Variants in CHN2 observed in about 807,000 individuals in gnomAD.
CHN2 encodes the protein beta-chimaerin.
In CHN2, 35 loss-of-function variants were observed where a neutral mutation model predicts 56.3. The observed-to-expected ratio is 0.62, with a 90% CI of 0.47 to 0.82. The LOEUF is 0.82. Ranked by LOEUF, CHN2 falls within the 40% of genes least tolerant of loss-of-function variation. The probability of loss-of-function intolerance (pLI) is 0.00; values close to 1 mark genes in which losing one functional copy is unlikely to be tolerated. For missense variants in CHN2, 491 were observed against 580.5 expected (o/e 0.85, Z 1.58); for synonymous variants, 210 against 212.8 (o/e 0.99, Z 0.12).
chr7:29,414,101 C>T (rs3793270), intron 6 of CHN2, among the ~76,000 whole-genome samples: 21,168 of 152,086 alleles, frequency 0.14, 1,554 homozygotes, highest in South Asian at 0.2. Flanking sequence ...TACTATATCG[C>T]AAGGTGATGA....
At chr7:29,212,856 T>TG in intron 1 of CHN2, 1 of 1,609,838 alleles carries the variant, frequency 6.2e-7, no homozygotes, top group Non-Finnish European at 8.5e-7. Context: ...CAGGGATGAC[T>TG]GGTGACCTGA....
intron 1 of CHN2, among the ~76,000 whole-genome samples, chr7:29,253,854 T>G (rs1249682420): frequency 6.6e-6 from 1 of 152,220 alleles, no homozygotes; most frequent in Non-Finnish European, 1.5e-5. Context: ...GTTAAATATT[T>G]AAAGTGTCAA....
chr7:29,268,882 C>G (rs1163233959), intron 1 of CHN2, among the ~76,000 whole-genome samples: 1 of 152,172 alleles, frequency 6.6e-6, no homozygotes, highest in Admixed American at 6.5e-5. Flanking sequence ...ATTAGAGATT[C>G]GCTTTTTATT....
At chr7:29,298,004 G>C (rs1184043339) in intron 1 of CHN2, among the ~76,000 whole-genome samples, 1 of 152,160 alleles carries the variant, frequency 6.6e-6, no homozygotes. Flanking sequence ...GGTTCGTGAG[G>C]GAGAGAAGGA....
rs180867147 is a variant in CHN2, at chr7:29,282,401, G to A, written c.50-72224G>A. Among the ~76,000 whole-genome samples, 50 of 152,266 alleles carry A rather than the reference G, an allele frequency of 3.3e-4. 1 individual carries two copies. Among genetic ancestry groups the A allele is most frequent in the Admixed American group, 3.3e-4 (5 of 15,292 alleles). ...CTGTTGGCTGTCTACATGGACTTTC[G>A]CAGACTGAAATAGCTTTCCTTTTTC... On this transcript the variant is annotated intron_variant, in intron 1 of 12. Coordinates refer to ENST00000222792, the MANE Select transcript of CHN2 (RefSeq NM_004067.4).
chr7:29,359,627 T>G lies in CHN2; in HGVS notation c.88+4964T>G, dbSNP rs186485502. On this transcript the variant is annotated intron_variant, in intron 2 of 12. Transcript: ENST00000222792. ...AAAATAATCTTGTCCCAAAGTATCA[T>G]ACATCTGCAGCTAATTCTTAACTCT... is the stretch of plus-strand genomic sequence containing the variant. Among the ~76,000 whole-genome samples, 3 of 152,324 alleles carry G rather than the reference T, an allele frequency of 2.0e-5. No homozygotes were observed. The East Asian group carries it at 5.8e-4, about 29-fold the overall frequency.
intron 6 of CHN2, among the ~76,000 whole-genome samples, chr7:29,459,893 A>G (rs1167289379): frequency 6.6e-6 from 1 of 152,214 alleles, no homozygotes; most frequent in Non-Finnish European, 1.5e-5. Flanking sequence ...AGAAGAGGAA[A>G]GAGGAGCAGG....
At chr7:29,441,322 C>T (rs181329214) in intron 6 of CHN2, among the ~76,000 whole-genome samples, 4 of 152,228 alleles carry the variant, frequency 2.6e-5, no homozygotes, top group African/African-American at 9.6e-5. Context: ...AATGGATCAA[C>T]AACCTAATAT....
intron 6 of CHN2, among the ~76,000 whole-genome samples, chr7:29,451,660 G>A (rs1225416698): frequency 6.6e-6 from 1 of 152,174 alleles, no homozygotes; most frequent in African/African-American, 2.4e-5. Context: ...TATTCCAAAT[G>A]TAGAGAATTC....
At chr7:29,354,542 A>G (rs1798137194) in intron 1 of CHN2, 83 bp from the exon 2 acceptor site, 1 of 1,235,982 alleles carries the variant, frequency 8.1e-7, no homozygotes, top group Non-Finnish European at 1.2e-6. Flanking sequence ...CTGTGGACAG[A>G]CTGTTGTTCC....
intron 1 of CHN2, among the ~76,000 whole-genome samples, chr7:29,287,285 A>T (rs1792227909): frequency 6.6e-6 from 1 of 152,166 alleles, no homozygotes; most frequent in African/African-American, 2.4e-5. Flanking sequence ...GGAAGTGGGG[A>T]TCTGAAAGAG....
chr7:29,411,507 G>A (rs1803214079), intron 6 of CHN2, among the ~76,000 whole-genome samples: 1 of 152,086 alleles, frequency 6.6e-6, no homozygotes, highest in South Asian at 2.1e-4. Flanking sequence ...AGTCATATCT[G>A]CCCACTAATC....
chr7:29,233,732 C>T (rs1035387838), intron 1 of CHN2, among the ~76,000 whole-genome samples: 2 of 151,334 alleles, frequency 1.3e-5, no homozygotes, highest in East Asian at 1.9e-4. Context: ...GACCACCAGC[C>T]CAGGACTGCT....
At chr7:29,356,673 C>T (rs1327561967) in intron 2 of CHN2, among the ~76,000 whole-genome samples, 1 of 152,150 alleles carries the variant, frequency 6.6e-6, no homozygotes, top group East Asian at 1.9e-4. Context: ...CCTTGTTCTT[C>T]GTTACATAAG....
chr7:29,451,004 C>T (rs936353940), intron 6 of CHN2, among the ~76,000 whole-genome samples: 1 of 152,030 alleles, frequency 6.6e-6, no homozygotes, highest in Non-Finnish European at 1.5e-5. Context: ...CTCCTGACCT[C>T]GTGATCTACC....
intron 2 of CHN2, among the ~76,000 whole-genome samples, chr7:29,153,599 A>G (rs1279276614): frequency 6.6e-6 from 1 of 151,936 alleles, no homozygotes; most frequent in Non-Finnish European, 1.5e-5. Flanking sequence ...ACAGAGTCTC[A>G]CTCACTTTTG....
intron 8 of CHN2, among the ~76,000 whole-genome samples, chr7:29,496,443 C>A (rs1789294534): frequency 6.6e-6 from 1 of 151,652 alleles, no homozygotes; most frequent in South Asian, 2.1e-4. Context: ...ACATACCAGG[C>A]ACCAGTTAAT....
chr7:29,215,675 G>C (rs1214503422), intron 1 of CHN2, among the ~76,000 whole-genome samples: 1 of 151,870 alleles, frequency 6.6e-6, no homozygotes, highest in Non-Finnish European at 1.5e-5. Context: ...TTGGAAGTTA[G>C]GTCTTTAGTG....
chr7:29,275,530 G>A (rs1027568174), intron 1 of CHN2, among the ~76,000 whole-genome samples: 9 of 152,076 alleles, frequency 5.9e-5, no homozygotes, highest in African/African-American at 2.2e-4. Flanking sequence ...TAATAACCAG[G>A]GCAAGAATAG....
Sources: gnomAD v4.1 joint callset for allele counts (sites outside exome capture counted in the v4.1 genomes callset) on GRCh38, gnomAD v4.1.1 for gene constraint, MANE v1.5 for transcripts, NCBI Gene and HGNC (gene_info 2026-07-23, HGNC 2026-07-21) for gene names.